MTMR14: variants seen among roughly 807,000 people sequenced by gnomAD.
MTMR14 encodes the protein myotubularin related protein 14.
MTMR14 carries 48 observed loss-of-function variants against 86.3 expected under a neutral mutation model. The observed-to-expected ratio is 0.56, with a 90% CI of 0.44 to 0.71. The LOEUF (loss-of-function observed/expected upper bound fraction) is 0.71, where lower values mean the gene tolerates loss of function less well. Among genes scored for constraint, MTMR14 ranks in the 30% least tolerant of loss-of-function variants. MTMR14 has a pLI of 0.00. For synonymous variants in MTMR14, 366 were observed against 326.1 expected (o/e 1.12, Z -1.32); for missense variants, 780 against 834.6 (o/e 0.93, Z 0.81).
intron 7 of MTMR14, among the ~76,000 whole-genome samples, chr3:9,676,022 A>G (rs2075561370): frequency 6.6e-6 from 1 of 152,200 alleles, no homozygotes; most frequent in South Asian, 2.1e-4. Flanking sequence ...CACTTCTGGA[A>G]AACATGGGCT....
chr3:9,686,896 T>C (rs2075977336), intron 13 of MTMR14, among the ~76,000 whole-genome samples: 1 of 152,150 alleles, frequency 6.6e-6, no homozygotes, highest in Non-Finnish European at 1.5e-5. Flanking sequence ...GAGAAGATAA[T>C]TTGCTCATGG....
At chr3:9,659,631 A>C (rs2047807080) in intron 2 of MTMR14, 1 of 450,396 alleles carries the variant, frequency 2.2e-6, no homozygotes, top group Non-Finnish European at 4.4e-6. Context: ...TTTAGTATAG[A>C]CGGGGTTTCA....
At chr3:9,674,164 C>T (rs2048727398) in intron 7 of MTMR14, among the ~76,000 whole-genome samples, 1 of 152,164 alleles carries the variant, frequency 6.6e-6, no homozygotes, top group African/African-American at 2.4e-5. Flanking sequence ...CCAGGCATCA[C>T]TTCGTTTAAA....
At chr3:9,649,807 G>C (rs2047174198) in intron 1 of MTMR14, 65 bp downstream of exon 1, 1 of 1,596,578 alleles carries the variant, frequency 6.3e-7, no homozygotes, top group Admixed American at 1.8e-5. Context: ...AGGAAAGGCT[G>C]AGGCCAGGGG....
chr3:9,687,983 C>T (rs2076017215), intron 14 of MTMR14, 92 bp downstream of exon 14: 2 of 1,053,138 alleles, frequency 1.9e-6, no homozygotes, highest in Non-Finnish European at 2.8e-6. Context: ...CTCATTCCCG[C>T]CCTGCCTCCC....
chr3:9,689,375 T>C (rs1261432324), intron 16 of MTMR14, among the ~76,000 whole-genome samples: 3 of 152,070 alleles, frequency 2.0e-5, no homozygotes, highest in Admixed American at 2.0e-4. Flanking sequence ...AGGAGCTCCA[T>C]TTTATCATTT....
chr3:9,677,416 A>C lies in MTMR14; in HGVS notation c.822+29A>C. 6.3e-7 allele frequency: 1 copy of C among 1,597,354 alleles called. No homozygotes were observed. Among genetic ancestry groups the C allele is most frequent in the Non-Finnish European group, 8.6e-7 (1 of 1,164,820 alleles). ...TGAGCAATAACATACATCAAATTGG[A>C]TCTATGTCTCTTTGTAAAGGGAGGC... On this transcript the variant is annotated intron_variant, in intron 8 of 18. Transcript: ENST00000296003. This position sits in a 1 kb window ranked among gnomAD's most constrained non-coding sequence, Gnocchi z 4.2.
Position 9,688,974 on chromosome 3 carries a change from T to A in MTMR14, c.1325T>A (p.Leu442His). 1 of 1,614,042 alleles carries A rather than the reference T, an allele frequency of 6.2e-7. No individual in the cohort carries two copies. Among genetic ancestry groups the A allele is most frequent in the Non-Finnish European group, 8.5e-7 (1 of 1,180,028 alleles). ...RRKDRGSTTS[L>H]GSDFSLVMES... ...AAGGACCGTGGCAGCACCACCAGCC[T>A]TGGCAGCGACTTCTCCCTGGTCATG... The change falls in exon 16 of 19, where the codon CTT becomes CAT. Residue 442 changes from leucine (L) to histidine (H), a missense_variant. Coordinates refer to ENST00000296003, the MANE Select transcript of MTMR14 (RefSeq NM_001077525.3).
Position 9,669,410 on chromosome 3 carries a change from G to C in MTMR14, c.494-22G>C, listed in dbSNP as rs758721974. ...GCCCTGGGTCACCAGCCTCAGTACT[G>C]ACAGATAGGTTTCTCTGGCAGGGGG... On this transcript the variant is annotated intron_variant, in intron 4 of 18. Coordinates refer to ENST00000296003, the MANE Select transcript of MTMR14 (RefSeq NM_001077525.3). 8.7e-6 allele frequency: 14 copies of C among 1,613,488 alleles called. 1 individual carries two copies. The South Asian group carries it at 1.5e-4, about 18-fold the overall frequency.
intron 9 of MTMR14, among the ~76,000 whole-genome samples, chr3:9,678,276 C>G (rs568135150): frequency 2.6e-5 from 4 of 152,176 alleles, no homozygotes; most frequent in Non-Finnish European, 4.4e-5. Context: ...GCTTTCTGAA[C>G]GTGACTCATT....
intron 3 of MTMR14, among the ~76,000 whole-genome samples, 159 bp from the exon 4 acceptor site, chr3:9,668,560 T>A (rs2048383783): frequency 1.3e-5 from 2 of 152,212 alleles, no homozygotes; most frequent in South Asian, 4.1e-4. Flanking sequence ...ACTAGGGATC[T>A]TCTGACTGAT....
intron 17 of MTMR14, among the ~76,000 whole-genome samples, chr3:9,691,014 A>G (rs2076123017): frequency 6.6e-6 from 1 of 152,244 alleles, no homozygotes; most frequent in Non-Finnish European, 1.5e-5. Context: ...GAAGAAAAAC[A>G]TTCTGAAACT....
At chr3:9,694,941 T>C (rs2076240580) in intron 17 of MTMR14, among the ~76,000 whole-genome samples, 1 of 152,092 alleles carries the variant, frequency 6.6e-6, no homozygotes, top group Admixed American at 6.6e-5. Context: ...TAGGCAGAGG[T>C]CTGAGCCGCT....
At chr3:9,679,040 A>G (rs185198595) in intron 9 of MTMR14, among the ~76,000 whole-genome samples, 1 of 152,280 alleles carries the variant, frequency 6.6e-6, no homozygotes, top group East Asian at 1.9e-4. Context: ...AGGCTGACCC[A>G]TCTATGTTAA....
intron 2 of MTMR14, chr3:9,659,496 T>G (rs1302616196): frequency 3.7e-6 from 1 of 269,866 alleles, no homozygotes. Context: ...CAGGCTGGAG[T>G]GCAGTGGCGT....
intron 17 of MTMR14, among the ~76,000 whole-genome samples, chr3:9,697,310 G>C (rs1047021500): frequency 1.3e-5 from 2 of 152,116 alleles, no homozygotes; most frequent in Admixed American, 1.3e-4. Context: ...CAGCAAGTAT[G>C]GGTGACCCGG....
chr3:9,661,588 A>C (rs2047935368), intron 2 of MTMR14, among the ~76,000 whole-genome samples: 1 of 151,970 alleles, frequency 6.6e-6, no homozygotes, highest in Admixed American at 6.6e-5. Flanking sequence ...TAGTCACAAA[A>C]ATGGTCCTGT....
At chr3:9,666,002 C>T (rs2048233358) in intron 3 of MTMR14, among the ~76,000 whole-genome samples, 1 of 152,086 alleles carries the variant, frequency 6.6e-6, no homozygotes, top group South Asian at 2.1e-4. Flanking sequence ...GCTGGTATTA[C>T]AGGCGTGACC....
chr3:9,655,832 A>G (rs1352693743), intron 2 of MTMR14, among the ~76,000 whole-genome samples: 1 of 152,048 alleles, frequency 6.6e-6, no homozygotes, highest in Non-Finnish European at 1.5e-5. Context: ...GAAGGTTTAC[A>G]GCAGAGGAAC....
Sources: allele counts gnomAD v4.1 joint callset (sites outside exome capture counted in the v4.1 genomes callset), GRCh38; gene constraint gnomAD v4.1.1; non-coding constraint Gnocchi (gnomAD v3.1); transcripts MANE v1.5; gene names NCBI Gene and HGNC (gene_info 2026-07-23, HGNC 2026-07-21).